Variants in ASTN2 observed in about 807,000 individuals in gnomAD.
ASTN2 encodes the protein astrotactin-2.
In ASTN2, 54 loss-of-function variants were observed where a neutral mutation model predicts 139.8. The ratio of observed to expected loss-of-function variants is 0.39; its 90% confidence interval spans 0.31 to 0.48. ASTN2 has a LOEUF of 0.48. Ranked by LOEUF, ASTN2 falls within the 20% of genes least tolerant of loss-of-function variation. The pLI is 0.95. For missense variants in ASTN2, 1,565 were observed against 1,725.1 expected, an observed-to-expected ratio of 0.91 and a Z score of 1.64; for synonymous variants, 756 against 719.5, an observed-to-expected ratio of 1.05 and a Z score of -0.81.
intron 7 of ASTN2, among the ~76,000 whole-genome samples, chr9:117,006,352 A>G (rs550932999): frequency 1.2e-4 from 19 of 152,302 alleles, no homozygotes; most frequent in Middle Eastern, 3.4e-3. Flanking sequence ...CCCCTGACTC[A>G]GTAAATAGTA....
intron 19 of ASTN2, among the ~76,000 whole-genome samples, chr9:116,590,832 C>T (rs868590311): frequency 6.6e-6 from 1 of 152,278 alleles, no homozygotes; most frequent in Middle Eastern, 3.4e-3. Context: ...TTGGTCTCCT[C>T]GACTTGCCCA....
chr9:117,402,069 CTGT>C (rs999147213), intron 1 of ASTN2, among the ~76,000 whole-genome samples: 10 of 152,168 alleles, frequency 6.6e-5, no homozygotes, highest in East Asian at 3.9e-4. Context: ...AAATCTTTTC[CTGT>C]TGTTGTTTTT....
chr9:117,308,585 G>T (rs907892077), intron 1 of ASTN2, among the ~76,000 whole-genome samples: 1 of 152,162 alleles, frequency 6.6e-6, no homozygotes, highest in Non-Finnish European at 1.5e-5. Context: ...CTCCCTGGAA[G>T]AGGCCAAGTG....
At chr9:116,792,579 CA>C (rs1211227518) in intron 13 of ASTN2, among the ~76,000 whole-genome samples, 3 of 152,192 alleles carry the variant, frequency 2.0e-5, no homozygotes, top group African/African-American at 7.2e-5. Context: ...CATCAGATAG[CA>C]GAGCGGATGA....
chr9:116,938,515 G>A (rs1461146257), intron 10 of ASTN2, among the ~76,000 whole-genome samples: 1 of 152,126 alleles, frequency 6.6e-6, no homozygotes, highest in African/African-American at 2.4e-5. Context: ...GCTGGCTGCT[G>A]GCAGTTTCAC....
At chr9:116,839,676 A>G (rs915744108) in intron 11 of ASTN2, among the ~76,000 whole-genome samples, 1 of 151,014 alleles carries the variant, frequency 6.6e-6, no homozygotes, top group Non-Finnish European at 1.5e-5. Context: ...TTGTATATAT[A>G]TATTTTTTTC....
intron 2 of ASTN2, among the ~76,000 whole-genome samples, chr9:117,222,037 A>G (rs555569727): frequency 3.9e-5 from 6 of 152,286 alleles, no homozygotes; most frequent in Non-Finnish European, 7.4e-5. Context: ...TCTCTACTCT[A>G]TGACTGTCCT....
At chr9:117,035,408 T>C (rs1838357198) in intron 6 of ASTN2, among the ~76,000 whole-genome samples, 3 of 152,176 alleles carry the variant, frequency 2.0e-5, no homozygotes, top group Non-Finnish European at 4.4e-5. Context: ...TTTATAAATA[T>C]CAATGCTAAC....
intron 1 of ASTN2, among the ~76,000 whole-genome samples, chr9:117,296,756 C>T (rs934823018): frequency 1.3e-5 from 2 of 152,236 alleles, no homozygotes; most frequent in Non-Finnish European, 2.9e-5. Flanking sequence ...GCCTCCCTCC[C>T]ACCCTGGATA....
intron 20 of ASTN2, 145 bp downstream of exon 20, chr9:116,487,214 T>A (rs1369986779): frequency 1.8e-6 from 2 of 1,117,220 alleles, no homozygotes; most frequent in Non-Finnish European, 2.5e-6. Flanking sequence ...AAATGGACAC[T>A]TCTAAACCTT....
chr9:117,288,524 T>C (rs1253410409), intron 2 of ASTN2, among the ~76,000 whole-genome samples: 1 of 152,210 alleles, frequency 6.6e-6, no homozygotes, highest in Non-Finnish European at 1.5e-5. Flanking sequence ...CATGATGTCA[T>C]GAATTGCCAG....
At chr9:117,122,866 G>C (rs183953590) in intron 4 of ASTN2, among the ~76,000 whole-genome samples, 3 of 152,024 alleles carry the variant, frequency 2.0e-5, no homozygotes, top group African/African-American at 7.3e-5. Context: ...CCAATTCCCC[G>C]GAGCCTGCTT....
At chr9:116,512,278 G>C (rs1168521386) in intron 19 of ASTN2, among the ~76,000 whole-genome samples, 1 of 152,180 alleles carries the variant, frequency 6.6e-6, no homozygotes, top group African/African-American at 2.4e-5. Flanking sequence ...TCAGTCAGGA[G>C]CACGTTGCTC....
At chr9:116,531,406 A>C (rs1221547783) in intron 19 of ASTN2, among the ~76,000 whole-genome samples, 1 of 152,124 alleles carries the variant, frequency 6.6e-6, no homozygotes, top group East Asian at 1.9e-4. Flanking sequence ...TAGGGTACAT[A>C]TGCACAACGT....
chr9:117,411,498 A>G (rs573830679), intron 1 of ASTN2, among the ~76,000 whole-genome samples: 3 of 152,050 alleles, frequency 2.0e-5, no homozygotes, highest in South Asian at 4.2e-4. Flanking sequence ...GGCATTACCA[A>G]TAACAGAAAC....
At chr9:116,821,067 G>A (rs543486688) in intron 11 of ASTN2, among the ~76,000 whole-genome samples, 89 of 152,248 alleles carry the variant, frequency 5.8e-4, no homozygotes, top group African/African-American at 1.9e-3. Context: ...TGGCTCACAC[G>A]GCAACAGCAC....
At chr9:116,440,824 T>C in intron 21 of ASTN2, 32 bp from the exon 22 acceptor site, 1 of 1,591,592 alleles carries the variant, frequency 6.3e-7, no homozygotes, top group African/African-American at 1.3e-5. Context: ...AACAGATCAC[T>C]GGGTGGTGAA....
intron 19 of ASTN2, among the ~76,000 whole-genome samples, chr9:116,595,765 A>G (rs1279046447): frequency 6.6e-6 from 1 of 152,176 alleles, no homozygotes; most frequent in Non-Finnish European, 1.5e-5. Context: ...TGGGACAAGT[A>G]AGGTCCTAAG....
intron 10 of ASTN2, among the ~76,000 whole-genome samples, chr9:116,887,454 A>C (rs903039344): frequency 3.3e-5 from 5 of 151,782 alleles, no homozygotes; most frequent in Non-Finnish European, 5.9e-5. Context: ...AGCCTAGGAA[A>C]AAAACGTGTT....
Sources: gnomAD v4.1 joint callset for allele counts (sites outside exome capture counted in the v4.1 genomes callset) on GRCh38, gnomAD v4.1.1 for gene constraint, MANE v1.5 for transcripts, NCBI Gene and HGNC (gene_info 2026-07-23, HGNC 2026-07-21) for gene names.